CSGALNACT1: variants seen among roughly 807,000 people sequenced by gnomAD.
The protein encoded by CSGALNACT1 is chondroitin sulfate N-acetylgalactosaminyltransferase 1.
A neutral mutation model predicts 51.0 loss-of-function variants in CSGALNACT1; 52 were observed. The observed-to-expected ratio is 1.02, with a 90% CI of 0.82 to 1.29. The LOEUF is 1.29. Ranked by LOEUF, CSGALNACT1 falls within the 50% of genes most tolerant of loss-of-function variation. The pLI, the probability that CSGALNACT1 is intolerant of heterozygous loss-of-function variation, is 0.00. For synonymous variants in CSGALNACT1, 341 were observed against 254.4 expected (o/e 1.34, Z -3.24); for missense variants, 935 against 679.2 (o/e 1.38, Z -4.19).
intron 6 of CSGALNACT1, among the ~76,000 whole-genome samples, chr8:19,426,538 A>G (rs549983682): frequency 6.6e-6 from 1 of 152,372 alleles, no homozygotes; most frequent in Non-Finnish European, 1.5e-5. Context: ...TATATTACAT[A>G]ACTTCCTGTT....
At chr8:19,557,443 C>T (rs2039714491) in intron 3 of CSGALNACT1, among the ~76,000 whole-genome samples, 1 of 152,212 alleles carries the variant, frequency 6.6e-6, no homozygotes, top group Admixed American at 6.5e-5. Flanking sequence ...AAATCCTGGA[C>T]CAGGGCCTCC....
intron 3 of CSGALNACT1, among the ~76,000 whole-genome samples, chr8:19,560,829 T>G (rs2040539881): frequency 6.6e-6 from 1 of 152,200 alleles, no homozygotes; most frequent in African/African-American, 2.4e-5. Context: ...CATGCTGGTA[T>G]GCACTGGAAT....
At chr8:19,500,198 G>A (rs1460650092) in intron 4 of CSGALNACT1, among the ~76,000 whole-genome samples, 1 of 152,124 alleles carries the variant, frequency 6.6e-6, no homozygotes, top group Non-Finnish European at 1.5e-5. Flanking sequence ...TGGGGTGACA[G>A]TAGTCAGAAG....
At chr8:19,568,003 G>A (rs1305338227) in intron 3 of CSGALNACT1, among the ~76,000 whole-genome samples, 2 of 151,926 alleles carry the variant, frequency 1.3e-5, no homozygotes, top group Non-Finnish European at 2.9e-5. Flanking sequence ...GCTCAGGTAT[G>A]TATATATGTT....
intron 4 of CSGALNACT1, among the ~76,000 whole-genome samples, chr8:19,494,296 C>A (rs933121493): frequency 5.3e-5 from 8 of 152,114 alleles, no homozygotes. Context: ...CCAAAACACT[C>A]CCCTCCTCCA....
chr8:19,724,505 G>T (rs1261976098), intron 1 of CSGALNACT1, among the ~76,000 whole-genome samples: 1 of 152,162 alleles, frequency 6.6e-6, no homozygotes, highest in Non-Finnish European at 1.5e-5. Context: ...CAAGAAGTCT[G>T]TGATACTGAA....
rs542956513 is a variant in CSGALNACT1, at chr8:19,549,656, CTTTTTTTTTT to C, written c.-297+41494_-297+41503del. Among the ~76,000 whole-genome samples, 4 of 83,468 alleles carry C rather than the reference CTTTTTTTTTT, an allele frequency of 4.8e-5. No homozygotes were observed. In the East Asian group the frequency reaches 1.1e-3, roughly 24 times the overall value. The allele number at this position is 83,468 out of a possible 152,430, so 54.8% of individuals were successfully genotyped here. ...TTTCTTCACTTTCCCCAATTTCCTA[CTTTTTTTTTT>C]TTTTTTTTTTTTTTGGCGTATTCAC... On this transcript the variant is annotated intron_variant, in intron 3 of 9. Transcript: ENST00000454498.
At chr8:19,650,336 G>C (rs1465327985) in intron 1 of CSGALNACT1, among the ~76,000 whole-genome samples, 1 of 152,202 alleles carries the variant, frequency 6.6e-6, no homozygotes. Context: ...ACTGTGAGCA[G>C]TGTGAAATAA....
chr8:19,650,936 G>C (rs1039541095), intron 1 of CSGALNACT1, among the ~76,000 whole-genome samples: 4 of 152,188 alleles, frequency 2.6e-5, no homozygotes, highest in Admixed American at 6.5e-5. Context: ...GTGCTGGAAA[G>C]AGGCATCACC....
intron 4 of CSGALNACT1, among the ~76,000 whole-genome samples, chr8:19,492,280 T>A (rs1370630531): frequency 1.3e-5 from 2 of 152,292 alleles, no homozygotes; most frequent in South Asian, 4.1e-4. Flanking sequence ...TGGGACATAG[T>A]AGACATTTGG....
At chr8:19,458,118 C>A (rs2064519747) in intron 5 of CSGALNACT1, among the ~76,000 whole-genome samples, 1 of 152,154 alleles carries the variant, frequency 6.6e-6, no homozygotes, top group Non-Finnish European at 1.5e-5. Flanking sequence ...TCCTGCTATC[C>A]CCAAACCTGA....
At chr8:19,448,479 T>C (rs939709947) in intron 5 of CSGALNACT1, among the ~76,000 whole-genome samples, 34 of 152,180 alleles carry the variant, frequency 2.2e-4, no homozygotes, top group African/African-American at 7.2e-4. Flanking sequence ...GCAGGAACTT[T>C]ATAGTTTTTT....
At chr8:19,406,315 T>C (rs1169460670) in intron 9 of CSGALNACT1, among the ~76,000 whole-genome samples, 2 of 151,804 alleles carry the variant, frequency 1.3e-5, no homozygotes, top group African/African-American at 4.8e-5. Flanking sequence ...ATTCCAAGCA[T>C]TTGCCTGCAT....
At chr8:19,748,724 G>T (rs1488183725) in intron 1 of CSGALNACT1, among the ~76,000 whole-genome samples, 1 of 152,094 alleles carries the variant, frequency 6.6e-6, no homozygotes, top group Non-Finnish European at 1.5e-5. Context: ...CAGCACTTTG[G>T]GAGATCAAGG....
intron 4 of CSGALNACT1, among the ~76,000 whole-genome samples, chr8:19,468,139 T>G (rs950321146): frequency 1.3e-5 from 2 of 151,456 alleles, no homozygotes; most frequent in Non-Finnish European, 2.9e-5. Context: ...GGAGGGCATC[T>G]CCACCTACTG....
chr8:19,687,589 TCCATTACCACA>T (rs1325266464), intron 1 of CSGALNACT1, among the ~76,000 whole-genome samples: 1 of 152,208 alleles, frequency 6.6e-6, no homozygotes, highest in Non-Finnish European at 1.5e-5. Flanking sequence ...TATGCCTTGG[TCCATTACCACA>T]CTAATATAAT....
chr8:19,734,190 G>A (rs982573205), intron 1 of CSGALNACT1, among the ~76,000 whole-genome samples: 17 of 148,818 alleles, frequency 1.1e-4, no homozygotes, highest in African/African-American at 4.0e-4. Flanking sequence ...TCAGCCTCCT[G>A]TACACAACCT....
At chr8:19,604,818 G>C (rs1474303714), upstream of CSGALNACT1, among the ~76,000 whole-genome samples, 1 of 151,494 alleles carries the variant, frequency 6.6e-6, no homozygotes, top group African/African-American at 2.4e-5. Flanking sequence ...AGGAGGTTGA[G>C]GCGGGAGAAT....
intron 1 of CSGALNACT1, among the ~76,000 whole-genome samples, chr8:19,659,229 A>G (rs2058559610): frequency 1.3e-5 from 2 of 152,220 alleles, no homozygotes; most frequent in African/African-American, 2.4e-5. Context: ...TTTGTCCACC[A>G]CATTAGATCC....
Sources: allele counts gnomAD v4.1 joint callset (sites outside exome capture counted in the v4.1 genomes callset), GRCh38; gene constraint gnomAD v4.1.1; transcripts MANE v1.5; gene names NCBI Gene and HGNC (gene_info 2026-07-23, HGNC 2026-07-21).